COL8A1: variants seen among roughly 807,000 people sequenced by gnomAD.
COL8A1 encodes the protein collagen type VIII alpha 1 chain.
A neutral mutation model predicts 42.7 loss-of-function variants in COL8A1; 21 were observed. The ratio of observed to expected loss-of-function variants is 0.49; its 90% CI spans 0.35 to 0.71. The LOEUF (loss-of-function observed/expected upper bound fraction) is 0.71, where lower values mean the gene tolerates loss of function less well. COL8A1 is among the 30% of genes least tolerant of loss of function. The pLI, the probability that COL8A1 is intolerant of heterozygous loss-of-function variation, is 0.01. For missense variants in COL8A1, 788 were observed against 962.4 expected, an observed-to-expected ratio of 0.82 and a Z score of 2.40; for synonymous variants, 367 against 369.1, an observed-to-expected ratio of 0.99 and a Z score of 0.06.
At chr3:99,694,406 G>A (rs2107338503) in intron 1 of COL8A1, among the ~76,000 whole-genome samples, 1 of 152,056 alleles carries the variant, frequency 6.6e-6, no homozygotes, top group Middle Eastern at 3.4e-3. Context: ...AACCTGGGAG[G>A]CGGAGGTTGC....
At chr3:99,695,641 T>C (rs1024699395) in intron 1 of COL8A1, among the ~76,000 whole-genome samples, 4 of 152,160 alleles carry the variant, frequency 2.6e-5, no homozygotes, top group Non-Finnish European at 4.4e-5. Context: ...TCCGGTCCTC[T>C]CTCCCTCCTA....
chr3:99,653,331 G>A (rs1937910514), intron 1 of COL8A1, among the ~76,000 whole-genome samples: 1 of 152,076 alleles, frequency 6.6e-6, no homozygotes. Context: ...ATTGGTCATG[G>A]TGGCAGTGTA....
At chr3:99,660,545 A>C (rs544567007) in intron 1 of COL8A1, among the ~76,000 whole-genome samples, 6 of 152,264 alleles carry the variant, frequency 3.9e-5, no homozygotes, top group African/African-American at 1.2e-4. Context: ...CAATAGGTAG[A>C]AGGATTCTGG....
intron 2 of COL8A1, among the ~76,000 whole-genome samples, chr3:99,787,382 C>A (rs1176438465): frequency 2.0e-5 from 3 of 152,134 alleles, no homozygotes; most frequent in African/African-American, 7.2e-5. Flanking sequence ...TTTTCTAAAT[C>A]ATTTTTAACA....
chr3:99,729,866 T>C (rs1940449841), intron 1 of COL8A1, among the ~76,000 whole-genome samples: 1 of 152,080 alleles, frequency 6.6e-6, no homozygotes, highest in Non-Finnish European at 1.5e-5. Context: ...TCAAGATGCC[T>C]CACCCAATTG....
chr3:99,666,782 T>C (rs141114155), intron 1 of COL8A1, among the ~76,000 whole-genome samples: 1 of 152,320 alleles, frequency 6.6e-6, no homozygotes, highest in African/African-American at 2.4e-5. Flanking sequence ...AGGAACTAAG[T>C]AGAAAAATAT....
chr3:99,687,243 C>G (rs1939089671), intron 1 of COL8A1, among the ~76,000 whole-genome samples: 1 of 152,208 alleles, frequency 6.6e-6, no homozygotes, highest in Admixed American at 6.5e-5. Context: ...TCAAGTCTTT[C>G]CTCAACTACT....
At chr3:99,693,087 G>T (rs994228657) in intron 1 of COL8A1, among the ~76,000 whole-genome samples, 1 of 152,236 alleles carries the variant, frequency 6.6e-6, no homozygotes, top group Non-Finnish European at 1.5e-5. Context: ...CTACTGGAGA[G>T]GCTGAGGCAG....
Position 99,796,177 on chromosome 3 carries a change from T to C in COL8A1, c.*41T>C, listed in dbSNP as rs762625002. The C allele has an allele frequency of 2.9e-5, 41 of 1,405,516 alleles. No homozygotes were observed. The highest frequency in any genetic ancestry group is 3.7e-5 in the Non-Finnish European group (39 of 1,067,638). The allele number at this position is 1,405,516 out of a possible 1,614,324, so 87.1% of individuals were successfully genotyped here. On this transcript the variant is annotated 3_prime_UTR_variant, in exon 4 of 4. Transcript: ENST00000652472. ...AAACAAAGAAAAGAAAGAGATTTTA[T>C]AGAAGAAAATGACACACCAAAAAAT...
intron 1 of COL8A1, among the ~76,000 whole-genome samples, chr3:99,686,238 T>C (rs193037784): frequency 4.7e-4 from 71 of 152,342 alleles, no homozygotes; most frequent in African/African-American, 1.7e-3. Flanking sequence ...TGCAGACATC[T>C]TTTAATATAA....
intron 1 of COL8A1, among the ~76,000 whole-genome samples, chr3:99,731,985 G>A (rs1436983038): frequency 6.6e-6 from 1 of 152,102 alleles, no homozygotes; most frequent in African/African-American, 2.4e-5. Flanking sequence ...GAGACAGCAA[G>A]GCTTGTTAAC....
intron 1 of COL8A1, among the ~76,000 whole-genome samples, chr3:99,686,055 A>G (rs1432857860): frequency 6.6e-6 from 1 of 152,206 alleles, no homozygotes; most frequent in Non-Finnish European, 1.5e-5. Flanking sequence ...AACCAAAATC[A>G]TTGTAATCAA....
At chr3:99,681,102 C>T (rs1410571237) in intron 1 of COL8A1, among the ~76,000 whole-genome samples, 1 of 152,142 alleles carries the variant, frequency 6.6e-6, no homozygotes, top group African/African-American at 2.4e-5. Flanking sequence ...GACTAAAACA[C>T]CAAAAGCAAT....
At chr3:99,648,859 A>C (rs1014904560) in intron 1 of COL8A1, among the ~76,000 whole-genome samples, 1 of 152,146 alleles carries the variant, frequency 6.6e-6, no homozygotes, top group African/African-American at 2.4e-5. Flanking sequence ...TGTTTCCCCC[A>C]AGCCATGAGA....
chr3:99,667,935 T>C (rs986468668), intron 1 of COL8A1, among the ~76,000 whole-genome samples: 2 of 152,098 alleles, frequency 1.3e-5, no homozygotes, highest in African/African-American at 4.8e-5. Context: ...ATACACTGAT[T>C]TCATAAAAAA....
At chr3:99,786,909 T>C (rs1941907067) in intron 2 of COL8A1, among the ~76,000 whole-genome samples, 1 of 152,118 alleles carries the variant, frequency 6.6e-6, no homozygotes, top group Non-Finnish European at 1.5e-5. Context: ...GACTTTCCCT[T>C]GCTTTAGGGT....
chr3:99,716,005 A>G (rs1211550595), intron 1 of COL8A1, among the ~76,000 whole-genome samples: 1 of 152,032 alleles, frequency 6.6e-6, no homozygotes, highest in African/African-American at 2.4e-5. Context: ...CTTTATTACA[A>G]TAAGTATATT....
intron 1 of COL8A1, chr3:99,679,600 C>T (rs1032249050): frequency 2.6e-5 from 4 of 152,172 alleles, no homozygotes; most frequent in Non-Finnish European, 4.4e-5. Context: ...AAATACTTTA[C>T]TCTTTCACTA....
intron 1 of COL8A1, chr3:99,680,361 T>C (rs575610420): frequency 1.3e-5 from 2 of 152,342 alleles, no homozygotes; most frequent in South Asian, 2.1e-4. Flanking sequence ...TTCCATGGTG[T>C]ATATGTGCCA....
Sources: gnomAD v4.1 joint callset for allele counts (sites outside exome capture counted in the v4.1 genomes callset) on GRCh38, gnomAD v4.1.1 for gene constraint, MANE v1.5 for transcripts, NCBI Gene and HGNC (gene_info 2026-07-23, HGNC 2026-07-21) for gene names.